SLC4A10: variants seen among roughly 807,000 people sequenced by gnomAD.
SLC4A10 encodes solute carrier family 4 member 10.
In SLC4A10, 42 loss-of-function variants were observed where a neutral mutation model predicts 137.7. The ratio of observed to expected loss-of-function variants is 0.30; its 90% CI spans 0.24 to 0.39. SLC4A10 has a LOEUF of 0.39. Among genes scored for constraint, SLC4A10 ranks in the 10% least tolerant of loss-of-function variants. The pLI is 1.00. For synonymous variants in SLC4A10, 474 were observed against 464.1 expected (o/e 1.02, Z -0.27); for missense variants, 925 against 1,355.0 (o/e 0.68, Z 4.98).
At chr2:161,789,743 A>G (rs372567085) in intron 2 of SLC4A10, among the ~76,000 whole-genome samples, 3 of 152,176 alleles carry the variant, frequency 2.0e-5, no homozygotes, top group Non-Finnish European at 4.4e-5. Flanking sequence ...CTGGAAATCA[A>G]TGTTGTCTTC....
intron 1 of SLC4A10, among the ~76,000 whole-genome samples, chr2:161,694,352 A>G (rs990917533): frequency 6.6e-6 from 1 of 151,872 alleles, no homozygotes; most frequent in Non-Finnish European, 1.5e-5. Flanking sequence ...TTTTCCCCAG[A>G]CATAACTTTA....
intron 24 of SLC4A10, among the ~76,000 whole-genome samples, chr2:161,975,760 T>C (rs979685193): frequency 7.9e-5 from 12 of 152,154 alleles, no homozygotes; most frequent in African/African-American, 2.7e-4. Flanking sequence ...AGGGGCAAGG[T>C]TGCTCCATGT....
chr2:161,721,906 T>A (rs549266924), intron 1 of SLC4A10, among the ~76,000 whole-genome samples: 4 of 152,358 alleles, frequency 2.6e-5, no homozygotes, highest in African/African-American at 9.6e-5. Context: ...CTTTCTCTAA[T>A]CTTGTCGCCT....
chr2:161,800,531 G>T (rs1162621358), intron 2 of SLC4A10, among the ~76,000 whole-genome samples: 2 of 152,006 alleles, frequency 1.3e-5, no homozygotes, highest in Non-Finnish European at 1.5e-5. Flanking sequence ...TTATGGAGGG[G>T]TTGTAATTAT....
chr2:161,819,866 T>C (rs1044773541), intron 3 of SLC4A10, among the ~76,000 whole-genome samples: 4 of 152,192 alleles, frequency 2.6e-5, no homozygotes, highest in Non-Finnish European at 4.4e-5. Context: ...ACTGGGAACA[T>C]GGATGAGCTG....
intron 2 of SLC4A10, among the ~76,000 whole-genome samples, chr2:161,779,172 G>A (rs1458428905): frequency 6.6e-6 from 1 of 151,914 alleles, no homozygotes; most frequent in Non-Finnish European, 1.5e-5. Flanking sequence ...ATAACAACCT[G>A]CTCTTGAGGG....
intron 1 of SLC4A10, among the ~76,000 whole-genome samples, chr2:161,674,262 T>C (rs561195989): frequency 1.3e-5 from 2 of 152,292 alleles, no homozygotes; most frequent in Admixed American, 1.3e-4. Flanking sequence ...CTCTCTGAAC[T>C]ACAGTGTCTC....
chr2:161,940,227 G>C (rs138119055), intron 15 of SLC4A10, among the ~76,000 whole-genome samples: 121 of 152,242 alleles, frequency 7.9e-4, no homozygotes, highest in African/African-American at 2.7e-3. Flanking sequence ...CTCTGGACAA[G>C]AACACAGGGC....
intron 1 of SLC4A10, among the ~76,000 whole-genome samples, chr2:161,718,950 T>C (rs1339299586): frequency 6.6e-6 from 1 of 152,092 alleles, no homozygotes; most frequent in Admixed American, 6.6e-5. Flanking sequence ...ATGTGCACAA[T>C]GTGCAGGATA....
At chr2:161,983,140 G>A in intron 26 of SLC4A10, 39 bp from the exon 27 acceptor site, 4 of 1,524,874 alleles carry the variant, frequency 2.6e-6, no homozygotes, top group Non-Finnish European at 3.5e-6. Flanking sequence ...AGCCATGCTG[G>A]ATTGCAGTAA....
intron 22 of SLC4A10, 90 bp from the exon 23 acceptor site, chr2:161,964,961 A>G: frequency 8.3e-7 from 1 of 1,204,296 alleles, no homozygotes; most frequent in Non-Finnish European, 1.2e-6. Context: ...GGCCTAATAG[A>G]AATTGTTTCT....
intron 3 of SLC4A10, among the ~76,000 whole-genome samples, chr2:161,823,858 A>G (rs551698163): frequency 6.6e-6 from 1 of 152,338 alleles, no homozygotes; most frequent in South Asian, 2.1e-4. Context: ...AGCAGAAAGG[A>G]ATAGGCTAAC....
At chr2:161,677,013 C>T (rs72875528) in intron 1 of SLC4A10, among the ~76,000 whole-genome samples, 11,411 of 152,060 alleles carry the variant, frequency 0.075, 546 homozygotes, top group East Asian at 0.14. Context: ...TTGTTTGGCC[C>T]TGTCAAGTCT....
In SLC4A10 at chr2:161,933,001, A is replaced by C. The variant is rs373478978; in HGVS notation, c.1998-9791A>C. ...GGTCTTTCTGTGCCTGGCTTATTCC[A>C]CTTAACATAATGTCCTTGAAATTCA... is the stretch of plus-strand genomic sequence containing the variant. On this transcript the variant is annotated intron_variant, in intron 15 of 26. Transcript: ENST00000446997. 1.6e-4 allele frequency among the ~76,000 whole-genome samples: 24 copies of C among 152,262 alleles called. No individual in the cohort carries two copies. The East Asian group carries it at 4.6e-3, about 29-fold the overall frequency.
At position 161,762,860 on chromosome 2, in the gene SLC4A10, T is replaced by A. The variant is rs186681308; in HGVS notation, c.49-8113T>A. Among the ~76,000 whole-genome samples, 9 of 152,142 alleles carry A rather than the reference T, an allele frequency of 5.9e-5. No individual in the cohort carries two copies. The South Asian group carries it at 1.0e-3, about 18-fold the overall frequency. On this transcript the variant is annotated intron_variant, in intron 1 of 26. Coordinates refer to ENST00000446997, the MANE Select transcript of SLC4A10 (RefSeq NM_001178015.2). ...GAAACCTTTGAAAATGAAAAACACTTAAAAAACTAGCTCTTAGGTCATGTT... is the reference window on the plus strand; with the variant it reads ...GAAACCTTTGAAAATGAAAAACACTAAAAAAACTAGCTCTTAGGTCATGTT...
Position 161,771,072 on chromosome 2 carries a change from G to A in SLC4A10, c.130+18G>A, listed in dbSNP as rs1323575683. The A allele has an allele frequency of 2.6e-6, 4 of 1,541,364 alleles. No homozygotes were observed. The highest frequency in any genetic ancestry group is 4.6e-5 in the East Asian group (2 of 43,704). ...TTTAGAAGGTAAGACCATTTTTCTTGGGATAGCTATTGGTGTGCTTTCCAA... is the reference window on the plus strand; with the variant it reads ...TTTAGAAGGTAAGACCATTTTTCTTAGGATAGCTATTGGTGTGCTTTCCAA... On this transcript the variant is annotated intron_variant, in intron 2 of 26. Coordinates refer to ENST00000446997, the MANE Select transcript of SLC4A10 (RefSeq NM_001178015.2).
At chr2:161,703,633 T>G (rs1303215154) in intron 1 of SLC4A10, among the ~76,000 whole-genome samples, 1 of 151,680 alleles carries the variant, frequency 6.6e-6, no homozygotes, top group Non-Finnish European at 1.5e-5. Flanking sequence ...ATCTCTTATT[T>G]TCCTCTATTG....
Position 161,879,210 on chromosome 2 carries a change from A to G in SLC4A10, c.1028A>G (p.Asp343Gly). 3 of 1,613,494 alleles carry G rather than the reference A, an allele frequency of 1.9e-6. No homozygotes were observed. The highest frequency in any genetic ancestry group is 2.5e-6 in the Non-Finnish European group (3 of 1,179,538). The change falls in exon 9 of 27, where the codon GAT becomes GGT. Residue 343 changes from aspartate (D) to glycine (G), a missense_variant. Asp to Gly is a moderately conservative substitution (Grantham distance 94). Transcript: ENST00000446997. ...TTAGTGGGAGAACTGGAGTTCTTGG[A>G]TCGAACAGTAGTTGCGTTTGTCAGG... Reference protein sequence around the residue: ...NILVGELEFLDRTVVAFVRLS... With the variant: ...NILVGELEFLGRTVVAFVRLS...
chr2:161,709,416 T>C (rs985671156), intron 1 of SLC4A10, among the ~76,000 whole-genome samples: 3 of 151,628 alleles, frequency 2.0e-5, no homozygotes, highest in African/African-American at 2.4e-5. Flanking sequence ...ATCTGAACTG[T>C]TGTAAAGACA....
Sources: allele counts gnomAD v4.1 joint callset (sites outside exome capture counted in the v4.1 genomes callset), GRCh38; gene constraint gnomAD v4.1.1; transcripts MANE v1.5; gene names NCBI Gene and HGNC (gene_info 2026-07-23, HGNC 2026-07-21).